NUDT9: variants seen among roughly 807,000 people sequenced by gnomAD.
NUDT9 encodes the protein ADP-ribose pyrophosphatase.
In NUDT9, 31 loss-of-function variants were observed where a neutral mutation model predicts 41.0. That is an observed-to-expected ratio of 0.76 (90% CI 0.57 to 1.02). The LOEUF (loss-of-function observed/expected upper bound fraction) is 1.02. NUDT9 is among the 50% of genes least tolerant of loss of function. The pLI is 0.00. For synonymous variants in NUDT9, 146 were observed against 147.6 expected (o/e 0.99, Z 0.08); for missense variants, 380 against 431.4 (o/e 0.88, Z 1.06).
Position 87,456,252 on chromosome 4 carries a change from A to G in NUDT9, c.875-1591A>G, listed in dbSNP as rs890479411. Among the ~76,000 whole-genome samples, 3 of 152,172 alleles carry G rather than the reference A, an allele frequency of 2.0e-5. No individual in the cohort carries two copies. In the East Asian group the frequency reaches 5.8e-4, roughly 29 times the overall value. On this transcript the variant is annotated intron_variant, in intron 7 of 7. Coordinates refer to ENST00000302174, the MANE Select transcript of NUDT9 (RefSeq NM_024047.5). Reference sequence around the variant, plus strand: ...CTAGAGGAAGGGGAATCATAGGAGAATATATGGTTAGATGTCAGTCTTTTA... The same window carrying G: ...CTAGAGGAAGGGGAATCATAGGAGAGTATATGGTTAGATGTCAGTCTTTTA...
chr4:87,433,223 C>T (rs1046408757), intron 1 of NUDT9, among the ~76,000 whole-genome samples: 5 of 152,084 alleles, frequency 3.3e-5, no homozygotes, highest in African/African-American at 1.2e-4. Flanking sequence ...ACCTATCCTG[C>T]AATGTTTATT....
intron 7 of NUDT9, 152 bp from the exon 8 acceptor site, chr4:87,457,691 C>A: frequency 3.2e-6 from 2 of 619,952 alleles, no homozygotes; most frequent in Non-Finnish European, 2.7e-6. Flanking sequence ...ATTCATTCTG[C>A]TGACCAGGGA....
At chr4:87,455,422 A>G (rs1177844863) in intron 7 of NUDT9, among the ~76,000 whole-genome samples, 1 of 152,210 alleles carries the variant, frequency 6.6e-6, no homozygotes, top group Admixed American at 6.5e-5. Context: ...AAATTTGTTA[A>G]CTACTTTAAA....
In NUDT9 at chr4:87,435,239, G is replaced by A. The variant is rs143453145; in HGVS notation, c.347+19G>A. 5.6e-3 allele frequency: 8,904 copies of A among 1,588,062 alleles called. 35 individuals carry two copies. The highest frequency in any genetic ancestry group is 0.013 in the African/African-American group (985 of 73,854). On this transcript the variant is annotated intron_variant, in intron 2 of 7. Coordinates refer to ENST00000302174, the MANE Select transcript of NUDT9 (RefSeq NM_024047.5). ...AGATCAGGTGAGCAAATAAGACAGC[G>A]TTAGCTGGGAATAAGACTTTTAGAG...
At chr4:87,443,197 G>A (rs752611622) in intron 4 of NUDT9, among the ~76,000 whole-genome samples, 1 of 152,066 alleles carries the variant, frequency 6.6e-6, no homozygotes, top group Non-Finnish European at 1.5e-5. Context: ...TGGGACCACC[G>A]TTGCATATGT....
chr4:87,458,076 G>A lies in NUDT9; in HGVS notation c.*55G>A. The A allele has an allele frequency of 7.0e-7, 1 of 1,425,316 alleles. No individual in the cohort carries two copies. The highest frequency in any genetic ancestry group is 9.2e-7 in the Non-Finnish European group (1 of 1,085,724). 88.3% of individuals were successfully genotyped at this position (1,425,316 alleles called of 1,614,324 possible). On this transcript the variant is annotated 3_prime_UTR_variant, in exon 8 of 8. Transcript: ENST00000302174. ...ACAGAGGAGCATATACTGAAAAGAA[G>A]GCAGTATCACAGAATTTATACTATA...
intron 4 of NUDT9, among the ~76,000 whole-genome samples, chr4:87,446,247 C>T (rs1486741796): frequency 2.4e-5 from 3 of 124,212 alleles, no homozygotes; most frequent in Non-Finnish European, 1.6e-5. Context: ...CTTATCTTTC[C>T]TTTTTTTTTT....
chr4:87,424,038 G>A (rs963230326), intron 1 of NUDT9, among the ~76,000 whole-genome samples: 2 of 152,042 alleles, frequency 1.3e-5, no homozygotes, highest in African/African-American at 4.8e-5. Flanking sequence ...TCACAGTAGG[G>A]GTCCTACCCC....
intron 1 of NUDT9, among the ~76,000 whole-genome samples, chr4:87,427,808 G>A (rs1438230485): frequency 6.6e-6 from 1 of 152,096 alleles, no homozygotes; most frequent in Non-Finnish European, 1.5e-5. Context: ...AACTCATTTT[G>A]TGATAGGGTT....
intron 5 of NUDT9, among the ~76,000 whole-genome samples, 185 bp from the exon 6 acceptor site, chr4:87,451,404 A>G (rs2110188945): frequency 6.6e-6 from 1 of 152,358 alleles, no homozygotes; most frequent in Middle Eastern, 3.4e-3. Context: ...GGCCAAATAC[A>G]TGAGGTATCC....
intron 3 of NUDT9, among the ~76,000 whole-genome samples, chr4:87,439,464 T>G (rs1324525316): frequency 2.0e-5 from 3 of 152,130 alleles, no homozygotes; most frequent in African/African-American, 7.2e-5. Context: ...AAGACCAGCC[T>G]GGCCAATATG....
intron 1 of NUDT9, among the ~76,000 whole-genome samples, chr4:87,429,766 C>T (rs1294103112): frequency 2.0e-5 from 3 of 149,626 alleles, no homozygotes; most frequent in South Asian, 2.1e-4. Context: ...CCCTTTCCCC[C>T]TCCCTTTCCT....
chr4:87,445,572 T>C (rs1578075870), intron 4 of NUDT9: 1 of 152,204 alleles, frequency 6.6e-6, no homozygotes, highest in East Asian at 1.9e-4. Flanking sequence ...TGTTAATATA[T>C]TATTGTGAAT....
intron 1 of NUDT9, among the ~76,000 whole-genome samples, chr4:87,429,691 TC>T (rs558861390): frequency 6.9e-6 from 1 of 145,164 alleles, no homozygotes; most frequent in African/African-American, 2.5e-5. Context: ...TCTCCCCGTT[TC>T]CCCCCCATCT....
chr4:87,432,980 C>T (rs571835071), intron 1 of NUDT9, among the ~76,000 whole-genome samples: 2 of 152,122 alleles, frequency 1.3e-5, no homozygotes, highest in African/African-American at 4.8e-5. Context: ...GTGTCTTTGT[C>T]AAGCTTTAGT....
intron 6 of NUDT9, 42 bp downstream of exon 6, chr4:87,451,777 T>A: frequency 6.5e-7 from 1 of 1,549,564 alleles, no homozygotes; most frequent in Non-Finnish European, 8.8e-7. Context: ...TTCTGTGGAT[T>A]GATGAAAATG....
At position 87,458,173 on chromosome 4, in the gene NUDT9, A is replaced by G. The variant is rs771535075; in HGVS notation, c.*152A>G. 1 of 546,666 alleles carries G rather than the reference A, an allele frequency of 1.8e-6. No individual in the cohort carries two copies. Among genetic ancestry groups the G allele is most frequent in the Non-Finnish European group, 2.8e-6 (1 of 351,778 alleles). 33.9% of individuals were successfully genotyped at this position (546,666 alleles called of 1,614,324 possible). A position where few individuals can be genotyped will look rare whatever the true frequency, so the allele number is the denominator to read the frequency against. ...TGCATTTAGAGTGTTTCGCATCAGA[A>G]TAACATGAGTAAGATGAACTGGAAC... On this transcript the variant is annotated 3_prime_UTR_variant, in exon 8 of 8. Coordinates refer to ENST00000302174, the MANE Select transcript of NUDT9 (RefSeq NM_024047.5).
chr4:87,455,253 C>G (rs1332991208), intron 7 of NUDT9, among the ~76,000 whole-genome samples: 2 of 152,162 alleles, frequency 1.3e-5, no homozygotes, highest in East Asian at 3.8e-4. Flanking sequence ...TTTCCATATC[C>G]TGTGCTTTTG....
At chr4:87,450,503 C>T (rs973783806) in intron 5 of NUDT9, among the ~76,000 whole-genome samples, 4 of 150,886 alleles carry the variant, frequency 2.7e-5, no homozygotes, top group African/African-American at 7.3e-5. Context: ...CTCAGCCTCC[C>T]GAGTAGCTGG....
Sources: gnomAD v4.1 joint callset for allele counts (sites outside exome capture counted in the v4.1 genomes callset) on GRCh38, gnomAD v4.1.1 for gene constraint, MANE v1.5 for transcripts, NCBI Gene and HGNC (gene_info 2026-07-23, HGNC 2026-07-21) for gene names.